The following HTT variants were observed in gnomAD, a reference collection of about 807,000 sequenced individuals.
HTT encodes huntingtin, also known as huntington disease protein.
A neutral mutation model predicts 362.3 loss-of-function variants in HTT; 104 were observed. The ratio of observed to expected loss-of-function variants is 0.29; its 90% CI spans 0.24 to 0.34. The LOEUF is 0.34. Among genes scored for constraint, HTT ranks in the 10% least tolerant of loss-of-function variants. The pLI is 1.00. For missense variants in HTT, 3,301 were observed against 3,928.6 expected (o/e 0.84, Z 4.27); for synonymous variants, 1,577 against 1,548.7 (o/e 1.02, Z -0.43).
At chr4:3,239,424 CCCTT>C (rs58180000) in intron 66 of HTT, among the ~76,000 whole-genome samples, 36,770 of 152,140 alleles carry the variant, frequency 0.24, 5,691 homozygotes, top group East Asian at 0.38. Context: ...CCAGGAGTTT[CCCTT>C]TCCACAGCCC....
At chr4:3,099,201 G>A (rs1023733924) in intron 2 of HTT, 73 bp from the exon 3 acceptor site, 39 of 986,762 alleles carry the variant, frequency 4.0e-5, no homozygotes, top group African/African-American at 3.2e-5. Context: ...GCAGGACACC[G>A]GATACCTCAT....
chr4:3,234,034 G>T (rs1342172763), intron 61 of HTT, among the ~76,000 whole-genome samples: 1 of 152,250 alleles, frequency 6.6e-6, no homozygotes, highest in Non-Finnish European at 1.5e-5. Flanking sequence ...ACATGGGGGA[G>T]TTGAGGGCAA....
chr4:3,127,659 G>A, intron 12 of HTT, 55 bp downstream of exon 12: 8 of 1,359,862 alleles, frequency 5.9e-6, no homozygotes, highest in Non-Finnish European at 8.2e-6. Context: ...TTGAGACAGA[G>A]TCTCACTCCA....
chr4:3,135,871 A>G (rs1716041476), intron 19 of HTT, 33 bp from the exon 20 acceptor site: 1 of 1,563,554 alleles, frequency 6.4e-7, no homozygotes, highest in Non-Finnish European at 8.7e-7. Flanking sequence ...GAGTAACTAA[A>G]TGATTTCATT....
chr4:3,192,206 C>T, intron 40 of HTT, among the ~76,000 whole-genome samples: 1 of 152,138 alleles, frequency 6.6e-6, no homozygotes, highest in East Asian at 1.9e-4. Context: ...TTCTAAGTAG[C>T]TGAGACAATA....
At chr4:3,138,162 CTT>C (rs754862186) in intron 21 of HTT, among the ~76,000 whole-genome samples, 13,720 of 149,060 alleles carry the variant, frequency 0.092, 914 homozygotes, top group African/African-American at 0.18. Flanking sequence ...TTCCCTTCCC[CTT>C]TTCCCTTCCC....
rs1302042330 is a variant in HTT at position 3,236,243 on chromosome 4, T to C, written c.8880T>C (p.Val2960=). 2 of 1,611,228 alleles carry C rather than the reference T, an allele frequency of 1.2e-6. No homozygotes were observed. The highest frequency in any genetic ancestry group is 2.7e-5 in the African/African-American group (2 of 74,874). Residue 2960 remains valine, a synonymous_variant, in exon 64 of 67, where the codon GTT becomes GTC. Coordinates refer to ENST00000355072, the MANE Select transcript of HTT (RefSeq NM_001388492.1). ...TTGTTGCTATGGAGCGGGTATCTGT[T>C]CTTTTTGATAGGTAAGAAGCGAAGC... ...SVIVAMERVS[V]LFDRIRKGFP... is the part of the protein sequence containing the mutation.
intron 1 of HTT, among the ~76,000 whole-genome samples, chr4:3,080,749 A>G (rs1051876251): frequency 2.0e-5 from 3 of 152,340 alleles, no homozygotes; most frequent in South Asian, 2.1e-4. Context: ...AGTCTGATCC[A>G]TTTTGAGTTA....
intron 4 of HTT, among the ~76,000 whole-genome samples, chr4:3,104,428 G>A (rs1454048341): frequency 1.3e-5 from 2 of 151,912 alleles, no homozygotes; most frequent in Non-Finnish European, 2.9e-5. Flanking sequence ...GGCCAACATG[G>A]AGAAACCCTG....
chr4:3,201,327 G>C (rs777654826), intron 41 of HTT, among the ~76,000 whole-genome samples: 2 of 152,128 alleles, frequency 1.3e-5, no homozygotes, highest in South Asian at 4.1e-4. Flanking sequence ...CCAGGACTTC[G>C]AGACCAGCCT....
chr4:3,235,204 G>T lies in HTT; in HGVS notation c.8457-80G>T, dbSNP rs543991923. Reference sequence around the variant, plus strand: ...GCCTGGCCCATAGCTCTACACTCCCGCGTGGGGCCGGACATGCTGTGAAGC... The same window carrying T: ...GCCTGGCCCATAGCTCTACACTCCCTCGTGGGGCCGGACATGCTGTGAAGC... On this transcript the variant is annotated intron_variant, in intron 61 of 66. Transcript: ENST00000355072. 5 of 1,031,044 alleles carry T rather than the reference G, an allele frequency of 4.8e-6. No individual in the cohort carries two copies. In the Admixed American group the frequency reaches 5.2e-5, roughly 11 times the overall value. 63.9% of individuals were successfully genotyped at this position (1,031,044 alleles called of 1,614,324 possible). A position where few individuals can be genotyped will look rare whatever the true frequency, so the allele number is the denominator to read the frequency against.
chr4:3,137,591 C>T lies in HTT; in HGVS notation c.2798+1265C>T, dbSNP rs960183232. On this transcript the variant is annotated intron_variant, in intron 21 of 66. Transcript: ENST00000355072. ...GCACACGCCTGTAATCCCAGCTACT[C>T]GGGAGGCTGAGGCAGGAGAATCACT... is the stretch of plus-strand genomic sequence containing the variant. Among the ~76,000 whole-genome samples the T allele has an allele frequency of 2.6e-5, 4 of 152,124 alleles. No individual in the cohort carries two copies. The South Asian group carries it at 6.2e-4, about 24-fold the overall frequency.
chr4:3,097,746 A>G (rs921502214), intron 2 of HTT, among the ~76,000 whole-genome samples: 4 of 152,362 alleles, frequency 2.6e-5, no homozygotes, highest in Non-Finnish European at 4.4e-5. Context: ...CACAGAAACT[A>G]TTAAAGCTCT....
chr4:3,079,481 G>A (rs1712772461), intron 1 of HTT, among the ~76,000 whole-genome samples: 1 of 152,136 alleles, frequency 6.6e-6, no homozygotes, highest in South Asian at 2.1e-4. Flanking sequence ...AAGGGTGTAT[G>A]AAGTAGTGGT....
At position 3,127,490 on chromosome 4, in the gene HTT, C is replaced by T. The variant is rs1214138591; in HGVS notation, c.1629C>T (p.Asp543=). The T allele has an allele frequency of 6.2e-6, 10 of 1,614,090 alleles. No individual in the cohort carries two copies. The highest frequency in any genetic ancestry group is 8.5e-6 in the Non-Finnish European group (10 of 1,180,034). Reference sequence around the variant, plus strand: ...GCCAGGTCAGCGCCGTCCCATCTGACCCTGCCATGGACCTGAATGATGGGA... The same window carrying T: ...GCCAGGTCAGCGCCGTCCCATCTGATCCTGCCATGGACCTGAATGATGGGA... ...SSSQVSAVPS[D]PAMDLNDGTQ... is the part of the protein sequence containing the mutation. Residue 543 remains aspartate (D), a synonymous_variant, in exon 12 of 67, where the codon GAC becomes GAT. Coordinates refer to ENST00000355072, the MANE Select transcript of HTT (RefSeq NM_001388492.1).
chr4:3,157,328 A>C (rs1310030127), intron 28 of HTT, 129 bp downstream of exon 28: 12 of 866,846 alleles, frequency 1.4e-5, no homozygotes, highest in Non-Finnish European at 1.8e-5. Context: ...TAGTTTTTTC[A>C]AGTTTGTTTG....
chr4:3,218,590 G>A lies in HTT; in HGVS notation c.7242+638G>A, dbSNP rs1048265688. Reference sequence around the variant, plus strand: ...GAAGGTTGCAGTAAGCCGAGATCGCGCCACTGCACTCTAGCCTGGGCAACA... The same window carrying A: ...GAAGGTTGCAGTAAGCCGAGATCGCACCACTGCACTCTAGCCTGGGCAACA... On this transcript the variant is annotated intron_variant, in intron 52 of 66. Transcript: ENST00000355072. This position sits in a 1 kb window ranked among gnomAD's most constrained non-coding sequence, Gnocchi z 4.4. Among the ~76,000 whole-genome samples, 8 of 151,744 alleles carry A rather than the reference G, an allele frequency of 5.3e-5. No individual in the cohort carries two copies. Among genetic ancestry groups the A allele is most frequent in the African/African-American group, 9.7e-5 (4 of 41,268 alleles).
At chr4:3,182,934 G>A (rs1290504958) in intron 37 of HTT, among the ~76,000 whole-genome samples, 1 of 152,132 alleles carries the variant, frequency 6.6e-6, no homozygotes, top group Non-Finnish European at 1.5e-5. Context: ...CCAGGCTAGA[G>A]TGCAGTCGTG....
intron 7 of HTT, 95 bp downstream of exon 7, chr4:3,115,540 C>T (rs913629536): frequency 9.6e-7 from 1 of 1,042,612 alleles, no homozygotes; most frequent in Non-Finnish European, 1.4e-6. Flanking sequence ...AGCTTCTAGA[C>T]CAGGCTATTT....
Sources: gnomAD v4.1 joint callset for allele counts (sites outside exome capture counted in the v4.1 genomes callset) on GRCh38, gnomAD v4.1.1 for gene constraint, Gnocchi (gnomAD v3.1) non-coding constraint, MANE v1.5 for transcripts, NCBI Gene and HGNC (gene_info 2026-07-23, HGNC 2026-07-21) for gene names.